ARIH1: variants seen among roughly 807,000 people sequenced by gnomAD.
The protein encoded by ARIH1 is ariadne RBR E3 ubiquitin protein ligase 1, also known as E3 ubiquitin-protein ligase ARIH1.
In ARIH1, 8 loss-of-function variants were observed where a neutral mutation model predicts 85.0. The observed-to-expected ratio is 0.09, with a 90% CI of 0.06 to 0.17. ARIH1 has a LOEUF of 0.17. ARIH1 is among the 10% of genes least tolerant of loss of function. ARIH1 has a pLI of 1.00. For synonymous variants in ARIH1, 238 were observed against 253.6 expected, an observed-to-expected ratio of 0.94 and a Z score of 0.59; for missense variants, 311 against 718.1, an observed-to-expected ratio of 0.43 and a Z score of 6.48.
rs1319585991 is a variant in ARIH1 at position 72,583,555 on chromosome 15, TAGCTTCATTCTCAA to T, written c.*268_*281del. The T allele has an allele frequency of 2.8e-6, 1 of 359,658 alleles. No individual in the cohort carries two copies. Among genetic ancestry groups the T allele is most frequent in the African/African-American group, 2.1e-5 (1 of 47,852 alleles). 22.3% of individuals were successfully genotyped at this position (359,658 alleles called of 1,614,324 possible). On this transcript the variant is annotated 3_prime_UTR_variant, in exon 14 of 14. Coordinates refer to ENST00000379887, the MANE Select transcript of ARIH1 (RefSeq NM_005744.5). ...AGCCCTCCAACTTTAACTTGTAACG[TAGCTTCATTCTCAA>T]AGCTGACTCCTTTTTTTTCTTTTTC...
intron 11 of ARIH1, among the ~76,000 whole-genome samples, chr15:72,575,551 C>CAAAA (rs59727915): frequency 9.9e-5 from 6 of 60,560 alleles, no homozygotes; most frequent in African/African-American, 3.9e-4. Flanking sequence ...ACCCTGTCTC[C>CAAAA]AAAAAAAAAA....
At chr15:72,513,778 T>C (rs1388731188) in intron 1 of ARIH1, among the ~76,000 whole-genome samples, 1 of 4,080 alleles carries the variant, frequency 2.5e-4, no homozygotes, top group African/African-American at 3.5e-4. Context: ...TCCCTCCCCC[T>C]CTCCCTCCCT....
rs1364270867 is a variant in ARIH1, at chr15:72,484,308, T to C, written c.375+9294T>C. Among the ~76,000 whole-genome samples, 4 of 152,104 alleles carry C rather than the reference T, an allele frequency of 2.6e-5. No individual in the cohort carries two copies. The East Asian group carries it at 7.7e-4, about 29-fold the overall frequency. On this transcript the variant is annotated intron_variant, in intron 1 of 13. Transcript: ENST00000379887. ...CTAGGTTATTGGGGAAGAGGTGGTA[T>C]TTGGTTACATAAGTAAATTCTTTAG...
intron 1 of ARIH1, among the ~76,000 whole-genome samples, chr15:72,513,676 TCTCTCCCTCTCCCTCC>T (rs1157019436): frequency 7.8e-5 from 11 of 140,154 alleles, no homozygotes. Flanking sequence ...TCAATCTCTC[TCTCTCCCTCTCCCTCC>T]CTCCCCCTCT....
intron 1 of ARIH1, among the ~76,000 whole-genome samples, chr15:72,504,085 G>A (rs1433394348): frequency 6.6e-6 from 1 of 152,102 alleles, no homozygotes; most frequent in Non-Finnish European, 1.5e-5. Flanking sequence ...ATGGAGTTTC[G>A]CCCTTGTCGC....
At position 72,513,429 on chromosome 15, in the gene ARIH1, G is replaced by A. The variant is rs115887920; in HGVS notation, c.376-4638G>A. On this transcript the variant is annotated intron_variant, in intron 1 of 13. Transcript: ENST00000379887. ...CTAGCCTCTTTATATTACAGTTGTCGTATGTGTTATGTCTAGAAACATTTA... is the reference window on the plus strand; with the variant it reads ...CTAGCCTCTTTATATTACAGTTGTCATATGTGTTATGTCTAGAAACATTTA... Among the ~76,000 whole-genome samples, 214 of 151,952 alleles carry A rather than the reference G, an allele frequency of 1.4e-3. 1 individual carries two copies. Among genetic ancestry groups the A allele is most frequent in the African/African-American group, 4.5e-3 (186 of 41,426 alleles).
At chr15:72,502,842 A>G (rs2063909382) in intron 1 of ARIH1, among the ~76,000 whole-genome samples, 1 of 152,124 alleles carries the variant, frequency 6.6e-6, no homozygotes, top group Non-Finnish European at 1.5e-5. Flanking sequence ...TGATGAAGGT[A>G]TGACATTCCT....
chr15:72,572,549 G>A (rs1391864042), intron 11 of ARIH1, among the ~76,000 whole-genome samples: 1 of 152,132 alleles, frequency 6.6e-6, no homozygotes, highest in East Asian at 1.9e-4. Flanking sequence ...CAATTCTGAA[G>A]GATTTGTGAA....
At chr15:72,494,312 G>A (rs1011610675) in intron 1 of ARIH1, among the ~76,000 whole-genome samples, 10 of 152,166 alleles carry the variant, frequency 6.6e-5, no homozygotes, top group African/African-American at 1.9e-4. Context: ...GCATAAGGTC[G>A]AGAAGGAATA....
At chr15:72,565,766 A>G (rs771104868) in intron 7 of ARIH1, among the ~76,000 whole-genome samples, 10 of 152,320 alleles carry the variant, frequency 6.6e-5, no homozygotes, top group South Asian at 6.2e-4. Flanking sequence ...CATGACACAT[A>G]TATTTGAAGC....
chr15:72,551,661 A>T (rs1046779276), intron 3 of ARIH1, among the ~76,000 whole-genome samples: 2 of 152,202 alleles, frequency 1.3e-5, no homozygotes, highest in Non-Finnish European at 2.9e-5. Context: ...AACGGTGATA[A>T]GTTTCACTGT....
chr15:72,523,283 A>G (rs2064009044), intron 2 of ARIH1, among the ~76,000 whole-genome samples: 3 of 152,250 alleles, frequency 2.0e-5, no homozygotes, highest in African/African-American at 7.2e-5. Flanking sequence ...ACTGTGGTAC[A>G]TCCAGAAGTG....
At chr15:72,505,031 A>T (rs2063918909) in intron 1 of ARIH1, among the ~76,000 whole-genome samples, 1 of 152,214 alleles carries the variant, frequency 6.6e-6, no homozygotes, top group South Asian at 2.1e-4. Flanking sequence ...TTTGGAAATG[A>T]AACCATTTAC....
At chr15:72,559,146 A>G (rs1004690167) in intron 5 of ARIH1, among the ~76,000 whole-genome samples, 8 of 152,206 alleles carry the variant, frequency 5.3e-5, no homozygotes, top group African/African-American at 1.4e-4. Flanking sequence ...GACCGTCCAT[A>G]TATGCAGGTT....
chr15:72,498,961 A>ATTTTTTTTTTTTTTTTTTTTTTTTT (rs535261674), intron 1 of ARIH1, among the ~76,000 whole-genome samples: 1 of 88,450 alleles, frequency 1.1e-5, no homozygotes, highest in Admixed American at 1.3e-4. Flanking sequence ...CTTTTCATAA[A>ATTTTTTTTTTTTTTTTTTTTTTTTT]TTTTTTTTTT....
At chr15:72,499,922 C>G (rs1362882889) in intron 1 of ARIH1, among the ~76,000 whole-genome samples, 2 of 152,126 alleles carry the variant, frequency 1.3e-5, no homozygotes, top group African/African-American at 4.8e-5. Context: ...TTTTTCCCCC[C>G]TGCAACACTC....
At chr15:72,525,880 A>G (rs1045671183) in intron 2 of ARIH1, among the ~76,000 whole-genome samples, 3 of 151,790 alleles carry the variant, frequency 2.0e-5, no homozygotes, top group Non-Finnish European at 4.4e-5. Context: ...GACACAAGCG[A>G]TCCTCTCACC....
At position 72,583,854 on chromosome 15, in the gene ARIH1, A is replaced by G. The variant is rs2064304644; in HGVS notation, c.*562A>G. ...CAAGAGGATTCAACAAACGAAAAACATAAAAACTTTGTATATGACTTTTAA... is the reference window on the plus strand; with the variant it reads ...CAAGAGGATTCAACAAACGAAAAACGTAAAAACTTTGTATATGACTTTTAA... On this transcript the variant is annotated 3_prime_UTR_variant, in exon 14 of 14. Transcript: ENST00000379887. 6.6e-6 allele frequency: 1 copy of G among 152,338 alleles called. No homozygotes were observed. The highest frequency in any genetic ancestry group is 2.4e-5 in the African/African-American group (1 of 41,468). 9.4% of individuals were successfully genotyped at this position (152,338 alleles called of 1,614,324 possible).
intron 1 of ARIH1, among the ~76,000 whole-genome samples, chr15:72,511,177 C>T (rs1480462734): frequency 1.3e-5 from 2 of 152,136 alleles, no homozygotes; most frequent in Admixed American, 6.5e-5. Context: ...TCCGTGTACA[C>T]GTTCTTCACA....
Sources: allele counts gnomAD v4.1 joint callset (sites outside exome capture counted in the v4.1 genomes callset), GRCh38; gene constraint gnomAD v4.1.1; transcripts MANE v1.5; gene names NCBI Gene and HGNC (gene_info 2026-07-23, HGNC 2026-07-21).